Variants in GLI2 observed in about 807,000 individuals in gnomAD.
GLI2 encodes the protein GLI family zinc finger 2, also known as transcription activator GLI2.
Under a neutral mutation model 78.9 loss-of-function variants are expected in GLI2, and 22 were observed. The ratio of observed to expected loss-of-function variants is 0.28; its 90% CI spans 0.20 to 0.40. GLI2 has a LOEUF of 0.40. GLI2 is among the 10% of genes least tolerant of loss of function. The pLI is 1.00. For synonymous variants in GLI2, 974 were observed against 963.7 expected, an observed-to-expected ratio of 1.01 and a Z score of -0.20; for missense variants, 2,097 against 2,213.2, an observed-to-expected ratio of 0.95 and a Z score of 1.05.
intron 5 of GLI2, among the ~76,000 whole-genome samples, chr2:120,967,205 A>T (rs1681900411): frequency 6.6e-6 from 1 of 152,216 alleles, no homozygotes; most frequent in South Asian, 2.1e-4. Context: ...CCAGCGGGAC[A>T]TGAGAAGAGG....
At chr2:120,779,819 C>T (rs1037170350) in intron 1 of GLI2, among the ~76,000 whole-genome samples, 3 of 152,232 alleles carry the variant, frequency 2.0e-5, no homozygotes, top group Non-Finnish European at 4.4e-5. Flanking sequence ...ATCCTGCCTC[C>T]CCGGGCCAGG....
chr2:120,896,630 AACAC>A (rs1453793578), intron 2 of GLI2, among the ~76,000 whole-genome samples: 1 of 141,558 alleles, frequency 7.1e-6, no homozygotes, highest in South Asian at 2.2e-4. Context: ...TCCTTTGAAA[AACAC>A]ACATACACAC....
intron 2 of GLI2, among the ~76,000 whole-genome samples, chr2:120,882,217 T>A (rs2104717555): frequency 6.6e-6 from 1 of 152,150 alleles, no homozygotes; most frequent in African/African-American, 2.4e-5. Flanking sequence ...CACATCCTCC[T>A]TCCAGGAGGC....
intron 2 of GLI2, among the ~76,000 whole-genome samples, chr2:120,864,572 C>T (rs558578917): frequency 6.6e-6 from 1 of 152,240 alleles, no homozygotes; most frequent in East Asian, 1.9e-4. Flanking sequence ...CCCAGGTTCA[C>T]ACCATTCTCC....
intron 3 of GLI2, among the ~76,000 whole-genome samples, chr2:120,928,207 C>G (rs905595133): frequency 2.0e-5 from 3 of 152,148 alleles, no homozygotes; most frequent in Non-Finnish European, 2.9e-5. Context: ...GTCAGCCAGC[C>G]CCAAGACCCC....
intron 2 of GLI2, among the ~76,000 whole-genome samples, chr2:120,829,294 G>T (rs797006186): frequency 2.6e-5 from 4 of 152,304 alleles, no homozygotes; most frequent in African/African-American, 4.8e-5. Flanking sequence ...TTCCATAAAC[G>T]ATCTCTTTCC....
chr2:120,878,035 A>G (rs1306942637), intron 2 of GLI2, among the ~76,000 whole-genome samples: 1 of 152,234 alleles, frequency 6.6e-6, no homozygotes, highest in African/African-American at 2.4e-5. Context: ...TTATATTAAC[A>G]TCTAGGAAAA....
chr2:120,762,955 T>G (rs1683257291), intron 1 of GLI2, among the ~76,000 whole-genome samples: 1 of 152,202 alleles, frequency 6.6e-6, no homozygotes, highest in Non-Finnish European at 1.5e-5. Flanking sequence ...GAGAGGACTT[T>G]GAGGCCAAGG....
rs1287694586 is a variant in GLI2 at position 120,971,972 on chromosome 2, G to A, written c.1091G>A (p.Ser364Asn). Reference protein sequence around the residue: ...NKQSSESAVSSTVNPVAIHKR... With the variant: ...NKQSSESAVSNTVNPVAIHKR... ...CAGAGCAGTGAGTCGGCCGTCAGCAGCACCGTCAACCCTGTCGCCATTCAC... is the reference window on the plus strand; with the variant it reads ...CAGAGCAGTGAGTCGGCCGTCAGCAACACCGTCAACCCTGTCGCCATTCAC... The change falls in exon 8 of 14, where the codon AGC becomes AAC. Residue 364 changes from serine to asparagine, a missense_variant. Coordinates refer to ENST00000361492, the MANE Select transcript of GLI2 (RefSeq NM_001374353.1). 1.9e-6 allele frequency: 3 copies of A among 1,613,444 alleles called. No homozygotes were observed. Among genetic ancestry groups the A allele is most frequent in the Non-Finnish European group, 1.7e-6 (2 of 1,179,760 alleles).
intron 5 of GLI2, 37 bp downstream of exon 5, chr2:120,955,467 G>C: frequency 7.7e-7 from 1 of 1,296,974 alleles, no homozygotes; most frequent in Non-Finnish European, 1.1e-6. Flanking sequence ...GATGGGGCTA[G>C]CAGATCTCCT....
At chr2:120,768,892 C>T (rs891470553) in intron 1 of GLI2, among the ~76,000 whole-genome samples, 1 of 152,094 alleles carries the variant, frequency 6.6e-6, no homozygotes, top group African/African-American at 2.4e-5. Flanking sequence ...GGGATGGGCT[C>T]TCTGGAAGGG....
Position 120,789,033 on chromosome 2 carries a change from C to CTTTTTT in GLI2, c.-30-8246_-30-8241dup, listed in dbSNP as rs35017068. Among the ~76,000 whole-genome samples the CTTTTTT allele has an allele frequency of 6.3e-5, 8 of 126,640 alleles. 1 individual carries two copies. The highest frequency in any genetic ancestry group is 4.4e-4 in the East Asian group (2 of 4,506). 83.1% of individuals were successfully genotyped at this position (126,640 alleles called of 152,430 possible). A position where few individuals can be genotyped will look rare whatever the true frequency, so the allele number is the denominator to read the frequency against. ...TGGCTTATCACTTATTTCTTTCTTT[C>CTTTTTT]TTTTTTTTTTTTTTTTTGAGACGGA... On this transcript the variant is annotated intron_variant, in intron 1 of 13. Coordinates refer to ENST00000361492, the MANE Select transcript of GLI2 (RefSeq NM_001374353.1).
chr2:120,976,995 G>C (rs917873664), intron 9 of GLI2, among the ~76,000 whole-genome samples: 1 of 152,256 alleles, frequency 6.6e-6, no homozygotes, highest in Non-Finnish European at 1.5e-5. Context: ...CTTTAAAAAT[G>C]GAAAGTGAGG....
intron 1 of GLI2, among the ~76,000 whole-genome samples, chr2:120,765,372 C>T (rs1683336432): frequency 6.6e-6 from 1 of 152,262 alleles, no homozygotes; most frequent in African/African-American, 2.4e-5. Flanking sequence ...CTCTTCATGC[C>T]TTTGCATGAG....
chr2:120,966,093 C>T (rs1558921129), intron 5 of GLI2, among the ~76,000 whole-genome samples: 2 of 151,634 alleles, frequency 1.3e-5, no homozygotes, highest in Non-Finnish European at 2.9e-5. Context: ...ATTAACTCCA[C>T]TTTTTTTTTC....
intron 2 of GLI2, among the ~76,000 whole-genome samples, chr2:120,898,603 A>G (rs1678095992): frequency 6.6e-6 from 1 of 152,078 alleles, no homozygotes; most frequent in Non-Finnish European, 1.5e-5. Context: ...TCTGGGTGGC[A>G]AGGAGTATCT....
At chr2:120,966,672 G>T (rs532144741) in intron 5 of GLI2, among the ~76,000 whole-genome samples, 1 of 152,358 alleles carries the variant, frequency 6.6e-6, no homozygotes, top group East Asian at 1.9e-4. Context: ...CAAGCTTGGG[G>T]CTGGGCCGGG....
At chr2:120,853,480 C>A (rs1687503847) in intron 2 of GLI2, among the ~76,000 whole-genome samples, 1 of 152,110 alleles carries the variant, frequency 6.6e-6, no homozygotes, top group Admixed American at 6.5e-5. Context: ...CTGGGCCTGT[C>A]TAGCAGGAGC....
intron 3 of GLI2, among the ~76,000 whole-genome samples, chr2:120,951,027 G>A (rs1384311584): frequency 2.6e-5 from 4 of 152,192 alleles, no homozygotes; most frequent in Non-Finnish European, 4.4e-5. Context: ...GCACGCACCA[G>A]CGTGGAGCTT....
Sources: allele counts gnomAD v4.1 joint callset (sites outside exome capture counted in the v4.1 genomes callset), GRCh38; gene constraint gnomAD v4.1.1; transcripts MANE v1.5; gene names NCBI Gene and HGNC (gene_info 2026-07-23, HGNC 2026-07-21).